ABCB8: variants seen among roughly 807,000 people sequenced by gnomAD.
The protein encoded by ABCB8 is ATP binding cassette subfamily B member 8, also known as mitochondrial potassium channel ATP-binding subunit.
In ABCB8, 52 loss-of-function variants were observed where a neutral mutation model predicts 73.0. The ratio of observed to expected loss-of-function variants is 0.71; its 90% confidence interval spans 0.57 to 0.90. ABCB8 has a LOEUF of 0.90. Ranked by LOEUF, ABCB8 falls within the 40% of genes least tolerant of loss-of-function variation. The pLI is 0.00. For synonymous variants in ABCB8, 428 were observed against 423.5 expected, an observed-to-expected ratio of 1.01 and a Z score of -0.13; for missense variants, 909 against 974.6, an observed-to-expected ratio of 0.93 and a Z score of 0.90.
In ABCB8 at chr7:151,036,585, G is replaced by T. The variant is rs757517792; in HGVS notation, c.1153G>T (p.Ala385Ser). ...CCTATTTATTGGGGGCTCCCTTGTG[G>T]CCGGACAGCAGCTGACAGGGGGAGA... ...GTLFIGGSLVAGQQLTGGDLM... is the reference protein window; with the variant it reads ...GTLFIGGSLVSGQQLTGGDLM... Residue 385 changes from alanine (A) to serine (S), a missense_variant, in exon 9 of 16, where the codon GCC (alanine) becomes TCC (serine). Transcript: ENST00000358849. 4 of 1,613,864 alleles carry T rather than the reference G, an allele frequency of 2.5e-6. No homozygotes were observed. Among genetic ancestry groups the T allele is most frequent in the Non-Finnish European group, 3.4e-6 (4 of 1,179,916 alleles).
chr7:151,035,981 G>A lies in ABCB8; in HGVS notation c.1013+14G>A, dbSNP rs761114613. 2.5e-6 allele frequency: 4 copies of A among 1,613,714 alleles called. No homozygotes were observed. In the South Asian group the frequency reaches 4.4e-5, roughly 18 times the overall value. ...ACGGGAAGAGGAGTGAGTCCTGGGA[G>A]GGCGGAGCACAAAGCAGAGATGCCC... On this transcript the variant is annotated intron_variant, in intron 7 of 15. Transcript: ENST00000358849.
In ABCB8 at chr7:151,035,966, G is replaced by A. The variant is rs200906042; in HGVS notation, c.1012G>A (p.Glu338Lys). Residue 338 changes from glutamate (E) to lysine (K), a missense_variant and splice_region_variant, in exon 7 of 16, where the codon GAG becomes AAG. Glu to Lys is a moderately conservative substitution (Grantham distance 56). Transcript: ENST00000358849. ...CTTCGCCATGGAGCAACGGGAAGAG[G>A]AGTGAGTCCTGGGAGGGCGGAGCAC... is the stretch of plus-strand genomic sequence containing the variant. Reference protein sequence around the residue: ...RAFAMEQREEERYGAELEACR... With the variant: ...RAFAMEQREEKRYGAELEACR... The A allele has an allele frequency of 2.5e-6, 4 of 1,613,882 alleles. No individual in the cohort carries two copies. The highest frequency in any genetic ancestry group is 2.7e-5 in the African/African-American group (2 of 75,074).
Position 151,046,187 on chromosome 7 carries a change from A to C in ABCB8, c.*838A>C, listed in dbSNP as rs878922459. 1 of 152,328 alleles carries C rather than the reference A, an allele frequency of 6.6e-6. No individual in the cohort carries two copies. Among genetic ancestry groups the C allele is most frequent in the Admixed American group, 6.5e-5 (1 of 15,284 alleles). 9.4% of individuals were successfully genotyped at this position (152,328 alleles called of 1,614,324 possible). A position where few individuals can be genotyped will look rare whatever the true frequency, so the allele number is the denominator to read the frequency against. ...TCTACACCAAGAACACCCAGCACTG[A>C]AGGAGATGGGAGGGGCTGATGCCCA... On this transcript the variant is annotated 3_prime_UTR_variant, in exon 16 of 16. Transcript: ENST00000358849.
chr7:151,041,293 C>A (rs1796459097), intron 13 of ABCB8, 61 bp downstream of exon 13: 1 of 1,522,202 alleles, frequency 6.6e-7, no homozygotes. Context: ...GGCCCTGCCC[C>A]CTTAGTCCTC....
chr7:151,047,734 T>G lies in ABCB8; in HGVS notation c.*2385T>G, dbSNP rs1376434912. On this transcript the variant is annotated 3_prime_UTR_variant, in exon 16 of 16. Transcript: ENST00000358849. Reference sequence around the variant, plus strand: ...TAATGGAAAGACTGGACACCCCCAGTGCCCATCAGTGGGGGAGTCATTAAA... The same window carrying G: ...TAATGGAAAGACTGGACACCCCCAGGGCCCATCAGTGGGGGAGTCATTAAA... The G allele has an allele frequency of 6.6e-6, 1 of 152,258 alleles. No individual in the cohort carries two copies. Among genetic ancestry groups the G allele is most frequent in the African/African-American group, 2.4e-5 (1 of 41,452 alleles). The allele number at this position is 152,258 out of a possible 1,614,324, so 9.4% of individuals were successfully genotyped here. A position where few individuals can be genotyped will look rare whatever the true frequency, so the allele number is the denominator to read the frequency against.
intron 15 of ABCB8, among the ~76,000 whole-genome samples, chr7:151,044,833 G>A (rs1030344432): frequency 5.9e-5 from 9 of 152,194 alleles, no homozygotes; most frequent in Non-Finnish European, 1.0e-4. Flanking sequence ...GAGAAGCAGC[G>A]CCAAGGAACC....
intron 9 of ABCB8, chr7:151,039,865 G>A (rs543544026): frequency 2.0e-4 from 37 of 186,434 alleles, no homozygotes; most frequent in Non-Finnish European, 3.6e-4. Context: ...CCTCAGGGCC[G>A]AGCAGGGAGT....
Position 151,037,175 on chromosome 7 carries a change from C to T in ABCB8, c.1217+526C>T, listed in dbSNP as rs866028158. On this transcript the variant is annotated intron_variant, in intron 9 of 15. Transcript: ENST00000358849. The stretch of plus-strand genomic sequence containing the variant: ...TATGATTTGACAACTCTAGGGACGT[C>T]CTCTAAGTGGAGTCAGACTATGTCC... 2.0e-5 allele frequency: 14 copies of T among 702,868 alleles called. No individual in the cohort carries two copies. In the Middle Eastern group the frequency reaches 6.8e-4, roughly 34 times the overall value. 43.5% of individuals were successfully genotyped at this position (702,868 alleles called of 1,614,324 possible). A position where few individuals can be genotyped will look rare whatever the true frequency, so the allele number is the denominator to read the frequency against.
rs1796589946 is a variant in ABCB8, at chr7:151,045,451, T to C, written c.*102T>C. The C allele has an allele frequency of 7.5e-7, 1 of 1,328,194 alleles. No homozygotes were observed. The highest frequency in any genetic ancestry group is 3.0e-5 in the East Asian group (1 of 33,770). 82.3% of individuals were successfully genotyped at this position (1,328,194 alleles called of 1,614,324 possible). On this transcript the variant is annotated 3_prime_UTR_variant, in exon 16 of 16. Transcript: ENST00000358849. ...GACTGAGCCCCCAGGAGGGCCAGCA[T>C]GTGGAGAGTCGCTGCGGCTGCTCCT...
In ABCB8 at chr7:151,034,344, C is replaced by A. The variant is rs1796245339; in HGVS notation, c.480C>A (p.Ala160=). 3 of 1,613,872 alleles carry A rather than the reference C, an allele frequency of 1.9e-6. No homozygotes were observed. The highest frequency in any genetic ancestry group is 1.3e-5 in the African/African-American group (1 of 75,020). ...LLLGQLVEVV[A]KYTRDHVGSF... Reference sequence around the variant, plus strand: ...TGGGCCAGCTGGTAGAGGTCGTGGCCAAGTACACAAGGGACCACGTAGGGA... The same window carrying A: ...TGGGCCAGCTGGTAGAGGTCGTGGCAAAGTACACAAGGGACCACGTAGGGA... The change falls in exon 3 of 16, where the codon GCC becomes GCA. Residue 160 remains alanine, a synonymous_variant. Coordinates refer to ENST00000358849, the MANE Select transcript of ABCB8 (RefSeq NM_007188.5).
chr7:151,042,332 G>A (rs1214546209), intron 14 of ABCB8, among the ~76,000 whole-genome samples: 1 of 152,240 alleles, frequency 6.6e-6, no homozygotes. Flanking sequence ...CAGGCAGGCT[G>A]CAGAGACAGG....
chr7:151,040,209 C>G (rs1796417467), intron 9 of ABCB8, 59 bp from the exon 10 acceptor site: 1 of 1,586,622 alleles, frequency 6.3e-7, no homozygotes, highest in Non-Finnish European at 8.6e-7. Flanking sequence ...TGGCTTCCTT[C>G]CCCTCCTCTG....
intron 9 of ABCB8, chr7:151,039,912 T>G: frequency 4.4e-6 from 1 of 226,934 alleles, no homozygotes. Context: ...CGTGGGCTGA[T>G]ATCACCGCTG....
rs938992925 is a variant in ABCB8, at chr7:151,045,226, G to T, written c.2034G>T (p.Glu678Asp). The change falls in exon 16 of 16, where the codon GAG (glutamate) becomes GAT (aspartate). Residue 678 changes from glutamate (E) to aspartate (D), a missense_variant. Coordinates refer to ENST00000358849, the MANE Select transcript of ABCB8 (RefSeq NM_007188.5). ...GRVWEAGTHEELLKKGGLYAE... is the reference protein window; with the variant it reads ...GRVWEAGTHEDLLKKGGLYAE... ...TCTTCCAGGCTGGGACACATGAAGAGCTCCTGAAGAAAGGCGGGCTATACG... is the reference window on the plus strand; with the variant it reads ...TCTTCCAGGCTGGGACACATGAAGATCTCCTGAAGAAAGGCGGGCTATACG... 13 of 1,589,276 alleles carry T rather than the reference G, an allele frequency of 8.2e-6. No homozygotes were observed. The highest frequency in any genetic ancestry group is 3.5e-5 in the Admixed American group (2 of 57,142).
intron 15 of ABCB8, 90 bp downstream of exon 15, chr7:151,044,311 T>C: frequency 1.3e-6 from 2 of 1,537,236 alleles, no homozygotes; most frequent in South Asian, 2.4e-5. Context: ...TATGAAGTTG[T>C]GGCCTGGCCC....
In ABCB8 at chr7:151,045,307, CA is replaced by C; in HGVS notation, c.2120del (p.Lys707SerfsTer40). On this transcript the variant is annotated frameshift_variant, in exon 16 of 16. Transcript: ENST00000358849. LOFTEE classifies it low-confidence loss of function (END_TRUNC). ...CCCCGAGGACAGCGGCCCCACCGCC[CA>C]AAAAGCCAGAAGGCCCCAGGAGCCA... ...DAPRTAAPPP[K>X]KPEGPRSHQH... The C allele has an allele frequency of 6.3e-7, 1 of 1,598,336 alleles. No individual in the cohort carries two copies. Among genetic ancestry groups the C allele is most frequent in the Non-Finnish European group, 8.5e-7 (1 of 1,172,264 alleles).
intron 1 of ABCB8, 177 bp downstream of exon 1, chr7:151,028,787 C>A (rs748871448): frequency 4.5e-6 from 7 of 1,542,252 alleles, no homozygotes; most frequent in Admixed American, 1.9e-5. Context: ...TAGTGACACT[C>A]CAGTCGCCAG....
rs574924967 is a variant in ABCB8 at position 151,045,140 on chromosome 7, C to T, written c.2017-69C>T. The stretch of plus-strand genomic sequence containing the variant: ...GGGCCCAATGGCTGATAGAGAGGCT[C>T]AGCTCTCTGAGGGTTCTGAAGCCTG... On this transcript the variant is annotated intron_variant, in intron 15 of 15. Coordinates refer to ENST00000358849, the MANE Select transcript of ABCB8 (RefSeq NM_007188.5). 1.0e-5 allele frequency: 15 copies of T among 1,440,200 alleles called. No homozygotes were observed. In the Admixed American group the frequency reaches 1.3e-4, roughly 13 times the overall value. 89.2% of individuals were successfully genotyped at this position (1,440,200 alleles called of 1,614,324 possible).
In ABCB8 at chr7:151,033,930, C is replaced by T. The variant is rs765514368; in HGVS notation, c.408+13C>T. On this transcript the variant is annotated intron_variant, in intron 2 of 15. Transcript: ENST00000358849. Reference sequence around the variant, plus strand: ...GGTAGCCGTCGTGGTGAGGCTTTCCCCACTTCTCCATCCTGGGGACAGGGC... The same window carrying T: ...GGTAGCCGTCGTGGTGAGGCTTTCCTCACTTCTCCATCCTGGGGACAGGGC... 3 of 1,571,760 alleles carry T rather than the reference C, an allele frequency of 1.9e-6. No individual in the cohort carries two copies. The highest frequency in any genetic ancestry group is 2.3e-5 in the South Asian group (2 of 85,546).
Sources: gnomAD v4.1 joint callset for allele counts (sites outside exome capture counted in the v4.1 genomes callset) on GRCh38, gnomAD v4.1.1 for gene constraint, MANE v1.5 for transcripts, NCBI Gene and HGNC (gene_info 2026-07-23, HGNC 2026-07-21) for gene names.